The following TTC28 variants were observed in gnomAD, a reference collection of about 807,000 sequenced individuals.
TTC28 encodes the protein tetratricopeptide repeat domain 28, also known as tetratricopeptide repeat protein 28.
TTC28 carries 61 observed loss-of-function variants against 198.0 expected under a neutral mutation model. The ratio of observed to expected loss-of-function variants is 0.31; its 90% confidence interval spans 0.25 to 0.38. TTC28 has a LOEUF of 0.38. Ranked by LOEUF, TTC28 falls within the 10% of genes least tolerant of loss-of-function variation. The pLI is 1.00. For missense variants in TTC28, 2,678 were observed against 3,164.0 expected, an observed-to-expected ratio of 0.85 and a Z score of 3.69; for synonymous variants, 1,171 against 1,297.8, an observed-to-expected ratio of 0.90 and a Z score of 2.10.
At chr22:28,371,347 C>CAA (rs1354299479) in intron 2 of TTC28, among the ~76,000 whole-genome samples, 3 of 134,046 alleles carry the variant, frequency 2.2e-5, no homozygotes, top group Non-Finnish European at 3.2e-5. Context: ...CCAGTACTAC[C>CAA]AAAAAAAAAA....
chr22:28,143,758 T>A (rs1047207575), intron 6 of TTC28, among the ~76,000 whole-genome samples: 3 of 152,158 alleles, frequency 2.0e-5, no homozygotes, highest in Admixed American at 2.0e-4. Context: ...ACAGAAGGTC[T>A]AAAATGTTAA....
intron 2 of TTC28, among the ~76,000 whole-genome samples, chr22:28,377,786 T>C (rs1319880529): frequency 1.3e-5 from 2 of 151,960 alleles, no homozygotes; most frequent in Non-Finnish European, 2.9e-5. Context: ...TATCTAGCAT[T>C]CAACAAGGTA....
intron 2 of TTC28, among the ~76,000 whole-genome samples, chr22:28,470,093 C>T (rs1258737251): frequency 6.6e-6 from 1 of 152,146 alleles, no homozygotes; most frequent in Non-Finnish European, 1.5e-5. Flanking sequence ...GATCCTCCTG[C>T]CTCGACCTCT....
At chr22:28,497,164 G>C (rs2048467744) in intron 2 of TTC28, among the ~76,000 whole-genome samples, 2 of 151,972 alleles carry the variant, frequency 1.3e-5, no homozygotes, top group Non-Finnish European at 2.9e-5. Flanking sequence ...AAGTATTTTA[G>C]TTTACTGTAC....
chr22:28,547,151 T>C (rs1284734364), intron 2 of TTC28, among the ~76,000 whole-genome samples: 1 of 152,232 alleles, frequency 6.6e-6, no homozygotes, highest in Non-Finnish European at 1.5e-5. Flanking sequence ...AATATTTGCA[T>C]GTCAATTATA....
At chr22:28,297,207 T>C (rs2044916094) in intron 4 of TTC28, among the ~76,000 whole-genome samples, 1 of 152,052 alleles carries the variant, frequency 6.6e-6, no homozygotes, top group African/African-American at 2.4e-5. Context: ...GCTTTTTTTT[T>C]CTTTGTTTTA....
At chr22:28,121,753 T>A (rs754364711) in intron 6 of TTC28, among the ~76,000 whole-genome samples, 10 of 152,228 alleles carry the variant, frequency 6.6e-5, no homozygotes, top group Middle Eastern at 3.2e-3. Context: ...GAAAGCCAAG[T>A]ATTTACCTTC....
At chr22:28,301,359 A>G (rs2045020830) in intron 3 of TTC28, among the ~76,000 whole-genome samples, 1 of 152,234 alleles carries the variant, frequency 6.6e-6, no homozygotes, top group Admixed American at 6.5e-5. Flanking sequence ...GAAATAGGCA[A>G]TGTCAAACCA....
chr22:28,077,685 A>T (rs2146795799), intron 12 of TTC28, among the ~76,000 whole-genome samples: 1 of 152,362 alleles, frequency 6.6e-6, no homozygotes, highest in South Asian at 2.1e-4. Context: ...AAGAAAATGT[A>T]TTTGATTACA....
intron 3 of TTC28, among the ~76,000 whole-genome samples, chr22:28,301,066 T>A (rs1023513316): frequency 1.4e-5 from 2 of 147,620 alleles, no homozygotes; most frequent in South Asian, 4.1e-4. Context: ...AATTTAAAAA[T>A]TTTTTACTAT....
chr22:28,614,917 C>G (rs1185244447), intron 2 of TTC28, among the ~76,000 whole-genome samples: 1 of 151,998 alleles, frequency 6.6e-6, no homozygotes, highest in African/African-American at 2.4e-5. Context: ...CCAAAAGCAA[C>G]GGCAACAAAA....
intron 2 of TTC28, among the ~76,000 whole-genome samples, chr22:28,384,267 T>C (rs761643236): frequency 4.6e-5 from 7 of 152,226 alleles, no homozygotes; most frequent in Non-Finnish European, 8.8e-5. Context: ...TTTTTTGTTT[T>C]GGTAGAGACA....
At chr22:28,056,025 T>C (rs1940273126) in intron 12 of TTC28, 1 of 152,216 alleles carries the variant, frequency 6.6e-6, no homozygotes, top group Admixed American at 6.5e-5. Flanking sequence ...AAGATCAATA[T>C]GTACATGCTG....
chr22:28,334,608 G>A (rs965395189), intron 2 of TTC28, among the ~76,000 whole-genome samples: 7 of 152,124 alleles, frequency 4.6e-5, no homozygotes, highest in Admixed American at 2.6e-4. Context: ...GCCAGTGATG[G>A]TGAGCATTTT....
rs548193391 is a variant in TTC28 at position 28,251,053 on chromosome 22, A to G, written c.933+45145T>C. Among the ~76,000 whole-genome samples the G allele has an allele frequency of 3.2e-4, 48 of 152,224 alleles. 1 individual carries two copies. The highest frequency in any genetic ancestry group is 2.6e-4 in the Admixed American group (4 of 15,282). On this transcript the variant is annotated intron_variant, in intron 5 of 22. Transcript: ENST00000397906. ...AGAAATTGAACTCTGGGTATCACAA[A>G]GCTACTTCTGACTCAATGATCACAG... is the stretch of plus-strand genomic sequence containing the variant.
At chr22:28,655,464 G>A (rs752366353) in intron 1 of TTC28, among the ~76,000 whole-genome samples, 2 of 152,166 alleles carry the variant, frequency 1.3e-5, no homozygotes, top group Non-Finnish European at 2.9e-5. Flanking sequence ...CTTTATGGTA[G>A]TCTAATTCAA....
chr22:28,523,450 T>A (rs1321637865), intron 2 of TTC28, among the ~76,000 whole-genome samples: 1 of 152,212 alleles, frequency 6.6e-6, no homozygotes, highest in African/African-American at 2.4e-5. Flanking sequence ...ATACTCACTC[T>A]GGGCAGTCAT....
chr22:28,490,370 G>A (rs143402381), intron 2 of TTC28, among the ~76,000 whole-genome samples: 1 of 152,204 alleles, frequency 6.6e-6, no homozygotes, highest in East Asian at 1.9e-4. Flanking sequence ...CGTCATTCAG[G>A]GATGCAGGCT....
At chr22:28,185,309 T>C (rs1217690416) in intron 5 of TTC28, among the ~76,000 whole-genome samples, 1 of 152,144 alleles carries the variant, frequency 6.6e-6, no homozygotes, top group African/African-American at 2.4e-5. Context: ...CTCTCCACAC[T>C]CTTGATCAAT....
Sources: allele counts gnomAD v4.1 joint callset (sites outside exome capture counted in the v4.1 genomes callset), GRCh38; gene constraint gnomAD v4.1.1; transcripts MANE v1.5; gene names NCBI Gene and HGNC (gene_info 2026-07-23, HGNC 2026-07-21).